The following AACS variants were observed in gnomAD, a reference collection of about 807,000 sequenced individuals.
AACS encodes acetoacetyl-CoA synthetase.
Under a neutral mutation model 83.1 loss-of-function variants are expected in AACS, and 69 were observed. The ratio of observed to expected loss-of-function variants is 0.83; its 90% CI spans 0.68 to 1.01. The LOEUF (loss-of-function observed/expected upper bound fraction) is 1.01, where lower values mean the gene tolerates loss of function less well. AACS is among the 50% of genes least tolerant of loss of function. The pLI, the probability that AACS is intolerant of heterozygous loss-of-function variation, is 0.00. For synonymous variants in AACS, 333 were observed against 343.4 expected (o/e 0.97, Z 0.33); for missense variants, 866 against 882.2 (o/e 0.98, Z 0.23).
At chr12:125,083,950 G>A (rs527899849) in intron 3 of AACS, among the ~76,000 whole-genome samples, 4 of 152,132 alleles carry the variant, frequency 2.6e-5, no homozygotes, top group East Asian at 1.9e-4. Context: ...CACCGTGCCC[G>A]GCCTAGAAGT....
At chr12:125,096,581 C>T (rs1434857658) in intron 5 of AACS, among the ~76,000 whole-genome samples, 1 of 152,114 alleles carries the variant, frequency 6.6e-6, no homozygotes, top group Non-Finnish European at 1.5e-5. Context: ...TGCAGGGATA[C>T]CTTGTCCAGG....
intron 8 of AACS, among the ~76,000 whole-genome samples, chr12:125,110,758 G>A (rs1450539299): frequency 1.3e-5 from 2 of 152,196 alleles, no homozygotes; most frequent in African/African-American, 4.8e-5. Flanking sequence ...AAATATACAA[G>A]TTCCCTTATT....
intron 8 of AACS, among the ~76,000 whole-genome samples, chr12:125,110,122 C>A (rs940079118): frequency 6.6e-6 from 1 of 150,928 alleles, no homozygotes; most frequent in Non-Finnish European, 1.5e-5. Context: ...CGGGTTCAAG[C>A]GATTCTTGTG....
At chr12:125,080,086 G>A (rs558120528) in intron 3 of AACS, among the ~76,000 whole-genome samples, 4 of 152,230 alleles carry the variant, frequency 2.6e-5, no homozygotes, top group Middle Eastern at 3.4e-3. Flanking sequence ...ACCACATTTC[G>A]TTGATCCCTA....
chr12:125,083,706 T>G (rs1594587323), intron 3 of AACS, among the ~76,000 whole-genome samples: 1 of 152,266 alleles, frequency 6.6e-6, no homozygotes, highest in Middle Eastern at 3.4e-3. Flanking sequence ...GAGGCTGGAG[T>G]GCAGTAGCAC....
intron 1 of AACS, among the ~76,000 whole-genome samples, chr12:125,068,706 T>G (rs1306821866): frequency 6.6e-6 from 1 of 152,178 alleles, no homozygotes; most frequent in Admixed American, 6.6e-5. Context: ...GGCTTTGGGC[T>G]TTGCTTGAAG....
At chr12:125,080,790 C>T (rs1404615701) in intron 3 of AACS, among the ~76,000 whole-genome samples, 1 of 151,624 alleles carries the variant, frequency 6.6e-6, no homozygotes. Context: ...CTCCCGGGTT[C>T]ACGCCATTCT....
At chr12:125,068,567 G>A (rs1365622551) in intron 1 of AACS, among the ~76,000 whole-genome samples, 2 of 152,152 alleles carry the variant, frequency 1.3e-5, no homozygotes, top group Non-Finnish European at 2.9e-5. Flanking sequence ...AGCATTGTCC[G>A]GAGCTGAGTG....
intron 1 of AACS, among the ~76,000 whole-genome samples, chr12:125,067,554 T>C (rs960638622): frequency 2.9e-4 from 44 of 152,108 alleles, no homozygotes; most frequent in African/African-American, 1.1e-3. Context: ...TTTTTTTTTT[T>C]TTAAGCCTCG....
chr12:125,118,587 G>T (rs968056309), intron 9 of AACS, 54 bp from the exon 10 acceptor site: 1 of 1,604,852 alleles, frequency 6.2e-7, no homozygotes, highest in Non-Finnish European at 8.5e-7. Context: ...AGGGGGCAGC[G>T]CTGGGGGGAG....
rs1592972053 is a variant in AACS at position 125,100,724 on chromosome 12, T to C, written c.571-1955T>C. On this transcript the variant is annotated intron_variant, in intron 5 of 17. Coordinates refer to ENST00000316519, the MANE Select transcript of AACS (RefSeq NM_023928.5). ...CCTGCAGAGTGTCCGATTCATTAGG[T>C]CTGGGGCCCCAGGTGAGGCTGACTG... is the stretch of plus-strand genomic sequence containing the variant. Among the ~76,000 whole-genome samples, 6 of 152,268 alleles carry C rather than the reference T, an allele frequency of 3.9e-5. No individual in the cohort carries two copies. The South Asian group carries it at 1.2e-3, about 32-fold the overall frequency.
chr12:125,110,684 CAGA>C (rs1157734412), intron 8 of AACS, among the ~76,000 whole-genome samples: 7 of 152,184 alleles, frequency 4.6e-5, no homozygotes, highest in East Asian at 1.9e-4. Context: ...CCCCCAAACT[CAGA>C]AGAAGAGAAT....
intron 3 of AACS, among the ~76,000 whole-genome samples, chr12:125,086,101 T>C (rs1199278477): frequency 6.6e-6 from 1 of 152,144 alleles, no homozygotes; most frequent in Non-Finnish European, 1.5e-5. Flanking sequence ...TAATAGAGAA[T>C]CTTTACGCAG....
Position 125,130,389 on chromosome 12 carries a change from G to A in AACS, c.1549+929G>A, listed in dbSNP as rs1259050849. On this transcript the variant is annotated intron_variant, in intron 14 of 17. Transcript: ENST00000316519. The surrounding 1 kb of genome is among the most constrained non-coding windows in gnomAD (Gnocchi z 4.9). ...CTTGGCTCCTGCCGTGAGCAGCTGTGCAGACAGACGAATGCAGAAAAGCAA... is the reference window on the plus strand; with the variant it reads ...CTTGGCTCCTGCCGTGAGCAGCTGTACAGACAGACGAATGCAGAAAAGCAA... Among the ~76,000 whole-genome samples, 1 of 152,268 alleles carries A rather than the reference G, an allele frequency of 6.6e-6. No individual in the cohort carries two copies. The highest frequency in any genetic ancestry group is 2.4e-5 in the African/African-American group (1 of 41,476).
At position 125,094,180 on chromosome 12, in the gene AACS, C is replaced by T. The variant is rs999089696; in HGVS notation, c.570+2657C>T. On this transcript the variant is annotated intron_variant, in intron 5 of 17. Transcript: ENST00000316519. This position sits in a 1 kb window ranked among gnomAD's most constrained non-coding sequence, Gnocchi z 4.1. ...GTTCTGGGCTCGTGGACAGTTCCTGCATCGGTTTGCAGATCTCTACTTAAA... is the reference window on the plus strand; with the variant it reads ...GTTCTGGGCTCGTGGACAGTTCCTGTATCGGTTTGCAGATCTCTACTTAAA... 6.6e-6 allele frequency among the ~76,000 whole-genome samples: 1 copy of T among 152,206 alleles called. No homozygotes were observed. Among genetic ancestry groups the T allele is most frequent in the African/African-American group, 2.4e-5 (1 of 41,456 alleles).
chr12:125,099,728 C>T (rs958122573), intron 5 of AACS, among the ~76,000 whole-genome samples: 1 of 152,144 alleles, frequency 6.6e-6, no homozygotes, highest in Non-Finnish European at 1.5e-5. Flanking sequence ...GCTCTATCAC[C>T]GAGGCCGCAT....
intron 3 of AACS, among the ~76,000 whole-genome samples, chr12:125,085,363 C>T (rs950689201): frequency 2.0e-5 from 3 of 152,188 alleles, no homozygotes; most frequent in African/African-American, 7.2e-5. Flanking sequence ...CGTGGAACCA[C>T]GCACGTGCAC....
chr12:125,090,662 C>T (rs894992881), intron 4 of AACS, among the ~76,000 whole-genome samples: 2 of 151,808 alleles, frequency 1.3e-5, no homozygotes, highest in African/African-American at 4.8e-5. Context: ...TTTATCTATC[C>T]TCCATCTGTC....
chr12:125,110,605 G>A (rs1956934870), intron 8 of AACS, among the ~76,000 whole-genome samples: 1 of 152,142 alleles, frequency 6.6e-6, no homozygotes, highest in Non-Finnish European at 1.5e-5. Context: ...TTCCCTATCA[G>A]TTGGCTCAGC....
Sources: gnomAD v4.1 joint callset for allele counts (sites outside exome capture counted in the v4.1 genomes callset) on GRCh38, gnomAD v4.1.1 for gene constraint, Gnocchi (gnomAD v3.1) non-coding constraint, MANE v1.5 for transcripts, NCBI Gene and HGNC (gene_info 2026-07-23, HGNC 2026-07-21) for gene names.